The following SCTR variants were observed in gnomAD, a reference collection of about 807,000 sequenced individuals.
The protein encoded by SCTR is pancreatic secretin receptor.
A neutral mutation model predicts 60.8 loss-of-function variants in SCTR; 56 were observed. The ratio of observed to expected loss-of-function variants is 0.92; its 90% CI spans 0.74 to 1.15. SCTR has a LOEUF of 1.15. Ranked by LOEUF, SCTR falls within the 50% of genes most tolerant of loss-of-function variation. The pLI is 0.00. For missense variants in SCTR, 562 were observed against 550.4 expected (o/e 1.02, Z -0.21); for synonymous variants, 202 against 217.0 (o/e 0.93, Z 0.61).
At chr2:119,487,948 AG>A (rs1160595839) in intron 2 of SCTR, among the ~76,000 whole-genome samples, 1 of 151,932 alleles carries the variant, frequency 6.6e-6, no homozygotes, top group Admixed American at 6.6e-5. Flanking sequence ...CGGTGCTGGG[AG>A]AGGCCCCCTG....
At chr2:119,504,034 T>C (rs6747434) in intron 1 of SCTR, among the ~76,000 whole-genome samples, 3,087 of 152,240 alleles carry the variant, frequency 0.02, 99 homozygotes, top group African/African-American at 0.07. Flanking sequence ...ACAGGTACAG[T>C]AATCAAACAG....
intron 9 of SCTR, among the ~76,000 whole-genome samples, chr2:119,450,946 G>C (rs1187954816): frequency 6.6e-6 from 1 of 152,258 alleles, no homozygotes; most frequent in African/African-American, 2.4e-5. Context: ...CTGGGTGACA[G>C]AGTGAGACCC....
At chr2:119,501,294 C>T (rs992228651) in intron 1 of SCTR, among the ~76,000 whole-genome samples, 1 of 152,052 alleles carries the variant, frequency 6.6e-6, no homozygotes, top group African/African-American at 2.4e-5. Flanking sequence ...CCTGTAGTTC[C>T]AGCTACTCGG....
intron 1 of SCTR, among the ~76,000 whole-genome samples, chr2:119,504,669 T>C (rs955438690): frequency 2.0e-5 from 3 of 151,326 alleles, no homozygotes; most frequent in African/African-American, 7.3e-5. Context: ...CTGCATAGAG[T>C]TCTTATGCTT....
chr2:119,512,487 C>T (rs1416481177), intron 1 of SCTR, among the ~76,000 whole-genome samples: 1 of 152,146 alleles, frequency 6.6e-6, no homozygotes, highest in African/African-American at 2.4e-5. Flanking sequence ...TCCTCTGCCT[C>T]CCAGGCTCAA....
At chr2:119,447,365 C>T (rs1185209387) in intron 10 of SCTR, among the ~76,000 whole-genome samples, 1 of 152,094 alleles carries the variant, frequency 6.6e-6, no homozygotes, top group Admixed American at 6.5e-5. Context: ...AAACAATGGA[C>T]ACCATGTGGG....
intron 2 of SCTR, among the ~76,000 whole-genome samples, chr2:119,483,236 C>T (rs1256396206): frequency 6.6e-6 from 1 of 152,208 alleles, no homozygotes; most frequent in Non-Finnish European, 1.5e-5. Flanking sequence ...GGATGCACAT[C>T]AGACATCCTG....
At chr2:119,519,810 C>CAAAAAAAAAAAAAAAAAAAAAA (rs71396064) in intron 1 of SCTR, among the ~76,000 whole-genome samples, 2 of 58,292 alleles carry the variant, frequency 3.4e-5, no homozygotes, top group African/African-American at 6.0e-5. Context: ...GACTCTGTCT[C>CAAAAAAAAAAAAAAAAAAAAAA]AAAAAAAAAA....
chr2:119,462,034 G>A (rs1230242999), intron 6 of SCTR, 34 bp from the exon 7 acceptor site: 1 of 1,575,304 alleles, frequency 6.3e-7, no homozygotes, highest in East Asian at 2.3e-5. Flanking sequence ...CCCAGGCCGG[G>A]TGGCAGTGGG....
At chr2:119,464,290 A>G (rs1189591288) in intron 5 of SCTR, 35 bp from the exon 6 acceptor site, 5 of 1,613,010 alleles carry the variant, frequency 3.1e-6, no homozygotes, top group Non-Finnish European at 4.2e-6. Flanking sequence ...TAGAGGCCAG[A>G]GCCTGAGGGG....
chr2:119,486,960 G>T (rs1457681089), intron 2 of SCTR: 2 of 150,666 alleles, frequency 1.3e-5, no homozygotes, highest in African/African-American at 5.0e-5. Context: ...AGAGAAAACT[G>T]CACTAACAGC....
intron 1 of SCTR, among the ~76,000 whole-genome samples, chr2:119,512,358 TCC>T (rs1678982708): frequency 1.7e-5 from 2 of 119,888 alleles, no homozygotes; most frequent in Non-Finnish European, 3.2e-5. Context: ...CTTCTCCTTC[TCC>T]TTCTCCTTCT....
At chr2:119,455,530 G>A (rs1051691652) in intron 7 of SCTR, among the ~76,000 whole-genome samples, 9 of 152,196 alleles carry the variant, frequency 5.9e-5, no homozygotes, top group African/African-American at 1.2e-4. Context: ...ATAAAAGGTC[G>A]TATCTACAAG....
rs368436911 is a variant in SCTR, at chr2:119,506,843, G to C, written c.73-12295C>G. ...GAGATGCGTGTTGTCAGGAGTTAAGGACGGGGTGAGAATGGGAGAAAAGTG... is the reference window on the plus strand; with the variant it reads ...GAGATGCGTGTTGTCAGGAGTTAAGCACGGGGTGAGAATGGGAGAAAAGTG... On this transcript the variant is annotated intron_variant, in intron 1 of 12. Transcript: ENST00000019103. Among the ~76,000 whole-genome samples the C allele has an allele frequency of 3.7e-4, 56 of 152,260 alleles. 1 individual carries two copies. In the Middle Eastern group the frequency reaches 0.01, roughly 28 times the overall value.
intron 11 of SCTR, among the ~76,000 whole-genome samples, chr2:119,445,015 A>ATATATAT (rs1682872639): frequency 2.0e-5 from 3 of 149,864 alleles, no homozygotes; most frequent in Non-Finnish European, 1.5e-5. Flanking sequence ...ATATGTATAA[A>ATATATAT]ACTTTAAAAG....
chr2:119,515,096 C>A (rs927835880), intron 1 of SCTR, among the ~76,000 whole-genome samples: 2 of 152,194 alleles, frequency 1.3e-5, no homozygotes, highest in South Asian at 4.1e-4. Flanking sequence ...TTATTGGGCA[C>A]CTACTATATG....
At chr2:119,456,533 G>A (rs1431345728) in intron 7 of SCTR, among the ~76,000 whole-genome samples, 1 of 152,136 alleles carries the variant, frequency 6.6e-6, no homozygotes, top group African/African-American at 2.4e-5. Flanking sequence ...AGATGAGAAA[G>A]AAAGGAAACA....
At chr2:119,465,231 T>C (rs1683783204) in intron 5 of SCTR, among the ~76,000 whole-genome samples, 1 of 152,204 alleles carries the variant, frequency 6.6e-6, no homozygotes, top group Non-Finnish European at 1.5e-5. Flanking sequence ...TTGGCCCTGG[T>C]GTTGCTGAGC....
chr2:119,506,824 C>T (rs540040788), intron 1 of SCTR, among the ~76,000 whole-genome samples: 22 of 152,056 alleles, frequency 1.4e-4, no homozygotes, highest in African/African-American at 5.1e-4. Context: ...AGAAGAGATG[C>T]GTGTTGTCAG....
Sources: gnomAD v4.1 joint callset for allele counts (sites outside exome capture counted in the v4.1 genomes callset) on GRCh38, gnomAD v4.1.1 for gene constraint, MANE v1.5 for transcripts, NCBI Gene and HGNC (gene_info 2026-07-23, HGNC 2026-07-21) for gene names.